Variants in NAV3 observed in about 807,000 individuals in gnomAD.
NAV3 encodes neuron navigator 3, also known as pore membrane and/or filament interacting like protein 1.
NAV3 carries 87 observed loss-of-function variants against 244.7 expected under a neutral mutation model. That is an observed-to-expected ratio of 0.36 (90% CI 0.30 to 0.42). The LOEUF (loss-of-function observed/expected upper bound fraction) is 0.42. NAV3 is among the 20% of genes least tolerant of loss of function. NAV3 has a pLI of 1.00. For synonymous variants in NAV3, 1,126 were observed against 1,042.2 expected, an observed-to-expected ratio of 1.08 and a Z score of -1.55; for missense variants, 2,663 against 2,893.3, an observed-to-expected ratio of 0.92 and a Z score of 1.83.
intron 22 of NAV3, among the ~76,000 whole-genome samples, chr12:78,150,800 C>G (rs902383381): frequency 6.6e-6 from 1 of 151,882 alleles, no homozygotes; most frequent in African/African-American, 2.4e-5. Flanking sequence ...CTCGTCTGCT[C>G]TAATTATGCT....
chr12:77,619,678 G>A (rs1871284516), intron 2 of NAV3, among the ~76,000 whole-genome samples: 1 of 152,038 alleles, frequency 6.6e-6, no homozygotes, highest in African/African-American at 2.4e-5. Flanking sequence ...TATCACAGGG[G>A]ACACGTGGGA....
At position 77,946,104 on chromosome 12, in the gene NAV3, A is replaced by G. The variant is rs201909703; in HGVS notation, c.414+4971A>G. Among the ~76,000 whole-genome samples the G allele has an allele frequency of 6.0e-3, 50 of 8,324 alleles. No individual in the cohort carries two copies. In the East Asian group the frequency reaches 0.44, roughly 73 times the overall value. The allele number at this position is 8,324 out of a possible 152,430, so 5.5% of individuals were successfully genotyped here. On this transcript the variant is annotated intron_variant, in intron 3 of 39. Transcript: ENST00000397909. ...AAAAATTCACCATATATATATATGTATATATATATATATATATTGTGTAAA... is the reference window on the plus strand; with the variant it reads ...AAAAATTCACCATATATATATATGTGTATATATATATATATATTGTGTAAA...
chr12:78,127,809 G>T (rs1222432792), intron 17 of NAV3, among the ~76,000 whole-genome samples: 1 of 151,754 alleles, frequency 6.6e-6, no homozygotes, highest in Non-Finnish European at 1.5e-5. Context: ...TTTTGCAGGG[G>T]TACTGCTATC....
chr12:78,021,043 T>A (rs1877067553), intron 8 of NAV3, among the ~76,000 whole-genome samples: 1 of 152,152 alleles, frequency 6.6e-6, no homozygotes, highest in Non-Finnish European at 1.5e-5. Flanking sequence ...TATTTACCCA[T>A]GCATAAAGGG....
intron 22 of NAV3, 83 bp from the exon 23 acceptor site, chr12:78,159,120 A>G: frequency 8.8e-7 from 1 of 1,130,774 alleles, no homozygotes; most frequent in Non-Finnish European, 1.3e-6. Context: ...ACATGAAATT[A>G]AGCATTTTGT....
rs549664374 is a variant in NAV3 at position 78,139,448 on chromosome 12, G to A, written c.4631-834G>A. ...TTGGGATTTTATCTTATTTATTTTTGTAGTTCCAGGATCTAGCAACAGCTT... is the reference window on the plus strand; with the variant it reads ...TTGGGATTTTATCTTATTTATTTTTATAGTTCCAGGATCTAGCAACAGCTT... On this transcript the variant is annotated intron_variant, in intron 19 of 39. Coordinates refer to ENST00000397909, the MANE Select transcript of NAV3 (RefSeq NM_001024383.2). Among the ~76,000 whole-genome samples the A allele has an allele frequency of 3.1e-4, 47 of 152,038 alleles. 2 individuals are homozygous for A. The South Asian group carries it at 9.3e-3, about 30-fold the overall frequency.
At position 78,119,685 on chromosome 12, in the gene NAV3, T is replaced by G; in HGVS notation, c.3489T>G (p.Asp1163Glu). The G allele has an allele frequency of 6.2e-7, 1 of 1,614,152 alleles. No homozygotes were observed. Reference protein sequence around the residue: ...GGHRSSTSSIDSNVSSKSAGA... With the variant: ...GGHRSSTSSIESNVSSKSAGA... ...ACAGATCCAGTACCAGCAGTATTGA[T>G]TCCAACGTCAGCAGCAAGTCTGCTG... Residue 1163 changes from aspartate to glutamate, a missense_variant, in exon 15 of 40, where the codon GAT becomes GAG. By Grantham distance (45) the Asp-to-Glu change is conservative. Transcript: ENST00000397909.
chr12:77,977,708 A>G (rs2045986), intron 5 of NAV3, among the ~76,000 whole-genome samples: 7,260 of 73,122 alleles, frequency 0.099, 405 homozygotes, highest in African/African-American at 0.23. Context: ...ACACACACAC[A>G]CGCGCACACA....
intron 9 of NAV3, among the ~76,000 whole-genome samples, chr12:78,026,265 C>A (rs545799302): frequency 1.3e-5 from 2 of 152,282 alleles, no homozygotes; most frequent in African/African-American, 4.8e-5. Flanking sequence ...ATCCAACTGC[C>A]AACACAATCT....
intron 16 of NAV3, among the ~76,000 whole-genome samples, chr12:78,126,294 C>T (rs1260285111): frequency 6.6e-6 from 1 of 152,126 alleles, no homozygotes; most frequent in Non-Finnish European, 1.5e-5. Context: ...CCCCATTATG[C>T]GTATCCTGTG....
chr12:78,075,000 T>C (rs1215290171), intron 12 of NAV3, among the ~76,000 whole-genome samples: 3 of 152,182 alleles, frequency 2.0e-5, no homozygotes, highest in Admixed American at 1.3e-4. Context: ...CACTGCACAG[T>C]TGAGGGCTGA....
At chr12:78,026,845 T>G (rs1878142128) in intron 9 of NAV3, among the ~76,000 whole-genome samples, 1 of 152,218 alleles carries the variant, frequency 6.6e-6, no homozygotes, top group East Asian at 1.9e-4. Flanking sequence ...AGCATTAAAA[T>G]GAGAACTACG....
intron 2 of NAV3, among the ~76,000 whole-genome samples, chr12:77,652,940 G>T (rs1212436520): frequency 6.6e-6 from 1 of 152,152 alleles, no homozygotes; most frequent in African/African-American, 2.4e-5. Context: ...TTTATACAGG[G>T]AATTTACAAA....
intron 8 of NAV3, among the ~76,000 whole-genome samples, chr12:78,015,211 G>T (rs1246310953): frequency 6.6e-6 from 1 of 152,014 alleles, no homozygotes; most frequent in Non-Finnish European, 1.5e-5. Flanking sequence ...CAGAAAATTT[G>T]CAAGAATTGT....
chr12:78,118,631 T>C (rs1397908579), intron 14 of NAV3, among the ~76,000 whole-genome samples: 1 of 152,200 alleles, frequency 6.6e-6, no homozygotes. Flanking sequence ...TCTGCGTTCT[T>C]AATGAAAGTT....
Position 78,119,386 on chromosome 12 carries a change from T to A in NAV3, c.3190T>A (p.Ser1064Thr), listed in dbSNP as rs2138607223. Residue 1064 changes from serine to threonine, a missense_variant, in exon 15 of 40, where the codon TCC (serine) becomes ACC (threonine). Physicochemically the swap from Ser to Thr is moderately conservative, Grantham distance 58. Transcript: ENST00000397909. ...SGIGRSTATS[S>T]FGFKKPSGVG... ...CATTGGAAGATCGACTGCCACCAGC[T>A]CCTTTGGCTTTAAGAAACCAAGTGG... 6.2e-7 allele frequency: 1 copy of A among 1,614,134 alleles called. No individual in the cohort carries two copies. The highest frequency in any genetic ancestry group is 8.5e-7 in the Non-Finnish European group (1 of 1,180,020).
chr12:77,626,048 T>A (rs1871604933), intron 2 of NAV3, among the ~76,000 whole-genome samples: 1 of 151,714 alleles, frequency 6.6e-6, no homozygotes, highest in South Asian at 2.1e-4. Context: ...TGCAAAGAAA[T>A]CAGAAAAACA....
chr12:77,843,257 C>G (rs902706278), intron 1 of NAV3, among the ~76,000 whole-genome samples: 4 of 152,032 alleles, frequency 2.6e-5, no homozygotes, highest in Non-Finnish European at 5.9e-5. Flanking sequence ...TATGTTCTCT[C>G]AGCTATTGTC....
chr12:77,792,088 T>C (rs1473142598), intron 2 of NAV3, among the ~76,000 whole-genome samples: 1 of 152,192 alleles, frequency 6.6e-6, no homozygotes, highest in East Asian at 1.9e-4. Context: ...TCTGTGATTA[T>C]TCCCTTCCTC....
Sources: gnomAD v4.1 joint callset for allele counts (sites outside exome capture counted in the v4.1 genomes callset) on GRCh38, gnomAD v4.1.1 for gene constraint, MANE v1.5 for transcripts, NCBI Gene and HGNC (gene_info 2026-07-23, HGNC 2026-07-21) for gene names.